LINGO1: variants seen among roughly 807,000 people sequenced by gnomAD.
LINGO1 encodes leucine rich repeat and Ig domain containing 1.
LINGO1 carries 11 observed loss-of-function variants against 37.3 expected under a neutral mutation model. The ratio of observed to expected loss-of-function variants is 0.29; its 90% CI spans 0.19 to 0.49. The LOEUF (loss-of-function observed/expected upper bound fraction) is 0.49. LINGO1 is among the 20% of genes least tolerant of loss of function. The pLI is 0.99. For missense variants in LINGO1, 585 were observed against 878.2 expected, an observed-to-expected ratio of 0.67 and a Z score of 4.22; for synonymous variants, 387 against 403.0, an observed-to-expected ratio of 0.96 and a Z score of 0.48.
intron 1 of LINGO1, among the ~76,000 whole-genome samples, chr15:77,778,969 C>G (rs1429697389): frequency 1.3e-5 from 2 of 152,114 alleles, no homozygotes; most frequent in East Asian, 3.8e-4. Flanking sequence ...CCACTCACGC[C>G]CACCGCCTTC....
intron 3 of LINGO1, among the ~76,000 whole-genome samples, chr15:77,656,057 G>A (rs965929054): frequency 6.6e-6 from 1 of 152,238 alleles, no homozygotes; most frequent in Non-Finnish European, 1.5e-5. Flanking sequence ...GCTGCTTCCA[G>A]TGTGGCTGCC....
chr15:77,714,403 C>T (rs36058724), intron 2 of LINGO1, among the ~76,000 whole-genome samples: 7 of 151,856 alleles, frequency 4.6e-5, no homozygotes, highest in Non-Finnish European at 4.4e-5. Context: ...AGCTCATTCA[C>T]GGCCCCCTGC....
upstream of LINGO1, among the ~76,000 whole-genome samples, chr15:77,636,887 G>A (rs1204978082): frequency 6.6e-6 from 1 of 152,136 alleles, no homozygotes; most frequent in Non-Finnish European, 1.5e-5. Context: ...AAATCCATAG[G>A]TCAGGCCCTG....
intron 3 of LINGO1, among the ~76,000 whole-genome samples, chr15:77,652,515 TGTGTGTGTGTGTGTG>T (rs1336202989): frequency 5.3e-5 from 8 of 151,400 alleles, no homozygotes; most frequent in African/African-American, 1.7e-4. Flanking sequence ...TGTGTGTGTG[TGTGTGTGTGTGTGTG>T]TTGCCAGAAT....
chr15:77,652,767 G>A (rs1036100841), intron 3 of LINGO1, among the ~76,000 whole-genome samples: 1 of 152,134 alleles, frequency 6.6e-6, no homozygotes, highest in Non-Finnish European at 1.5e-5. Context: ...AGCACAGTGC[G>A]GGAGGAGGGA....
intron 3 of LINGO1, among the ~76,000 whole-genome samples, chr15:77,650,388 A>C (rs1187120828): frequency 2.0e-5 from 3 of 152,232 alleles, no homozygotes; most frequent in African/African-American, 7.2e-5. Flanking sequence ...GGGACACAGA[A>C]TAAAATAGTC....
chr15:77,687,041 T>C (rs572338619), intron 2 of LINGO1, among the ~76,000 whole-genome samples: 55 of 152,264 alleles, frequency 3.6e-4, no homozygotes, highest in Non-Finnish European at 5.9e-4. Context: ...TGCTTTTCTA[T>C]TGGCATATCC....
At chr15:77,741,801 GAAGCCCTTGTCCCCATACATACTCAGA>G (rs1453663760) in intron 1 of LINGO1, among the ~76,000 whole-genome samples, 1 of 152,224 alleles carries the variant, frequency 6.6e-6, no homozygotes, top group African/African-American at 2.4e-5. Context: ...GGGGGCCAAA[GAAGCCCTTGTCCCCATACATACTCAGA>G]AAGCCTGGCC....
chr15:77,652,865 C>T (rs544134365), intron 3 of LINGO1, among the ~76,000 whole-genome samples: 3 of 152,166 alleles, frequency 2.0e-5, no homozygotes, highest in African/African-American at 7.2e-5. Context: ...GCCTCTGTCG[C>T]CCCACCTGGC....
intron 1 of LINGO1, among the ~76,000 whole-genome samples, chr15:77,816,974 TGAGA>T (rs5813885): frequency 0.78 from 117,173 of 150,700 alleles, 47,930 homozygotes; most frequent in Non-Finnish European, 0.89. Flanking sequence ...GAAGAGGAGC[TGAGA>T]GAGAGAGAGA....
intron 1 of LINGO1, among the ~76,000 whole-genome samples, chr15:77,751,515 A>G (rs2076371137): frequency 6.6e-6 from 1 of 152,164 alleles, no homozygotes; most frequent in Non-Finnish European, 1.5e-5. Flanking sequence ...ACACAGTGAA[A>G]GCCTATGGGG....
intron 1 of LINGO1, among the ~76,000 whole-genome samples, chr15:77,771,941 C>A (rs985812343): frequency 6.6e-6 from 1 of 152,210 alleles, no homozygotes; most frequent in Non-Finnish European, 1.5e-5. Context: ...GGGCCATCCC[C>A]CTCCAGCCTG....
chr15:77,709,351 TC>T (rs1567538883), intron 2 of LINGO1, among the ~76,000 whole-genome samples: 1 of 152,164 alleles, frequency 6.6e-6, no homozygotes, highest in Non-Finnish European at 1.5e-5. Flanking sequence ...CAGTTAGTCT[TC>T]CATTTGACCT....
chr15:77,748,302 A>G (rs1291713195), intron 1 of LINGO1, among the ~76,000 whole-genome samples: 2 of 152,214 alleles, frequency 1.3e-5, no homozygotes, highest in Non-Finnish European at 2.9e-5. Context: ...CAGTGGGCAA[A>G]GGAACTGTCT....
chr15:77,769,724 C>T (rs555206210), intron 1 of LINGO1, among the ~76,000 whole-genome samples: 8 of 152,170 alleles, frequency 5.3e-5, no homozygotes, highest in Non-Finnish European at 1.2e-4. Flanking sequence ...TATCTACTCA[C>T]CTCATGCCCC....
intron 2 of LINGO1, among the ~76,000 whole-genome samples, chr15:77,690,379 A>G (rs893517767): frequency 3.3e-5 from 5 of 152,198 alleles, no homozygotes; most frequent in Admixed American, 6.5e-5. Context: ...GCTGCCAGGC[A>G]TCTTTTGACC....
intron 1 of LINGO1, among the ~76,000 whole-genome samples, chr15:77,816,703 A>G (rs2077050827): frequency 6.6e-6 from 1 of 152,130 alleles, no homozygotes; most frequent in Non-Finnish European, 1.5e-5. Flanking sequence ...CCGGCAGAAT[A>G]GACCAGGGGC....
chr15:77,746,138 G>A (rs1797891808), intron 1 of LINGO1, among the ~76,000 whole-genome samples: 1 of 150,318 alleles, frequency 6.7e-6, no homozygotes, highest in Non-Finnish European at 1.5e-5. Flanking sequence ...AGCCTAGGAA[G>A]TCCAGATTGC....
chr15:77,748,449 A>G (rs1248281298), intron 1 of LINGO1, among the ~76,000 whole-genome samples: 1 of 134,580 alleles, frequency 7.4e-6, no homozygotes, highest in East Asian at 2.1e-4. Flanking sequence ...ATCAGGAAGA[A>G]GCCCAGCACA....
Sources: gnomAD v4.1 joint callset for allele counts (sites outside exome capture counted in the v4.1 genomes callset) on GRCh38, gnomAD v4.1.1 for gene constraint, MANE v1.5 for transcripts, NCBI Gene and HGNC (gene_info 2026-07-23, HGNC 2026-07-21) for gene names.